The following CDKAL1 variants were observed in gnomAD, a reference collection of about 807,000 sequenced individuals.
CDKAL1 encodes CDKAL1 threonylcarbamoyladenosine tRNA methylthiotransferase, also known as threonylcarbamoyladenosine tRNA methylthiotransferase.
In CDKAL1, 32 loss-of-function variants were observed where a neutral mutation model predicts 68.2. The ratio of observed to expected loss-of-function variants is 0.47; its 90% CI spans 0.35 to 0.63. The LOEUF (loss-of-function observed/expected upper bound fraction) is 0.63. CDKAL1 is among the 30% of genes least tolerant of loss of function. The pLI is 0.00. For synonymous variants in CDKAL1, 234 were observed against 244.3 expected (o/e 0.96, Z 0.39); for missense variants, 606 against 696.7 (o/e 0.87, Z 1.47).
intron 9 of CDKAL1, among the ~76,000 whole-genome samples, chr6:20,938,044 AATTAT>A (rs1763804774): frequency 1.3e-5 from 2 of 152,126 alleles, no homozygotes; most frequent in African/African-American, 4.8e-5. Flanking sequence ...CAGTAATTAA[AATTAT>A]ATTATATGGA....
In CDKAL1 at chr6:20,604,456, A is replaced by G. The variant is rs562590802; in HGVS notation, c.287-44837A>G. On this transcript the variant is annotated intron_variant, in intron 4 of 15. Coordinates refer to ENST00000274695, the MANE Select transcript of CDKAL1 (RefSeq NM_017774.3). ...GGCAAAGATATATTCTCACAGGGCT[A>G]GTAGCATATTCTGCATATGGATTTG... 2.2e-4 allele frequency among the ~76,000 whole-genome samples: 33 copies of G among 152,338 alleles called. 1 individual carries two copies. The highest frequency in any genetic ancestry group is 7.2e-4 in the African/African-American group (30 of 41,582).
chr6:20,933,423 G>C (rs1343404538), intron 9 of CDKAL1, among the ~76,000 whole-genome samples: 1 of 152,338 alleles, frequency 6.6e-6, no homozygotes, highest in East Asian at 1.9e-4. Context: ...GGATGAGATA[G>C]TTATTAACTA....
intron 15 of CDKAL1, among the ~76,000 whole-genome samples, chr6:21,228,139 G>A (rs1015634217): frequency 2.0e-5 from 3 of 152,120 alleles, no homozygotes; most frequent in African/African-American, 7.2e-5. Context: ...TGAAGCTCGT[G>A]TAGCCAGTTT....
intron 9 of CDKAL1, among the ~76,000 whole-genome samples, chr6:20,874,541 A>C (rs970039126): frequency 1.3e-5 from 2 of 151,348 alleles, no homozygotes; most frequent in African/African-American, 4.9e-5. Context: ...TTTGAGATGG[A>C]GTCTCACTCT....
At chr6:21,076,842 G>T (rs567902144) in intron 12 of CDKAL1, among the ~76,000 whole-genome samples, 5 of 151,998 alleles carry the variant, frequency 3.3e-5, no homozygotes, top group Non-Finnish European at 7.4e-5. Flanking sequence ...CTTTCTTCTG[G>T]ACACATCATT....
At chr6:20,995,705 T>C (rs1232228757) in intron 10 of CDKAL1, among the ~76,000 whole-genome samples, 1 of 152,232 alleles carries the variant, frequency 6.6e-6, no homozygotes, top group East Asian at 1.9e-4. Context: ...ATCATAATTC[T>C]TGAGGGCCCT....
intron 9 of CDKAL1, among the ~76,000 whole-genome samples, chr6:20,898,094 C>T (rs1761786953): frequency 1.3e-5 from 2 of 151,958 alleles, no homozygotes; most frequent in South Asian, 4.2e-4. Context: ...TGGCCCAGCT[C>T]CTCTTGGGTG....
rs533670466 is a variant in CDKAL1, at chr6:20,634,654, A to G, written c.287-14639A>G. ...TACATTGGGAATTGTTGGATTTGCC[A>G]TGGAAGATGGTGAGGGGAAAGGAAT... On this transcript the variant is annotated intron_variant, in intron 4 of 15. Transcript: ENST00000274695. Among the ~76,000 whole-genome samples, 10 of 152,278 alleles carry G rather than the reference A, an allele frequency of 6.6e-5. No individual in the cohort carries two copies. In the South Asian group the frequency reaches 2.1e-3, roughly 32 times the overall value.
chr6:20,722,267 T>G (rs1349901676), intron 5 of CDKAL1: 1 of 153,936 alleles, frequency 6.5e-6, no homozygotes, highest in Non-Finnish European at 1.4e-5. Context: ...ATGAGGGTTT[T>G]TTTTTTTCCC....
intron 4 of CDKAL1, among the ~76,000 whole-genome samples, chr6:20,623,801 T>G (rs1161116493): frequency 1.3e-5 from 2 of 152,074 alleles, no homozygotes; most frequent in Admixed American, 6.6e-5. Context: ...GGAGCCAGAC[T>G]GTTAAGTTCA....
chr6:21,119,106 C>T (rs945603527), intron 13 of CDKAL1, among the ~76,000 whole-genome samples: 14 of 152,112 alleles, frequency 9.2e-5, no homozygotes, highest in African/African-American at 2.2e-4. Context: ...CCCTTCGTCC[C>T]GACCATCTTC....
rs183520728 is a variant in CDKAL1, at chr6:20,618,230, C to T, written c.287-31063C>T. On this transcript the variant is annotated intron_variant, in intron 4 of 15. Coordinates refer to ENST00000274695, the MANE Select transcript of CDKAL1 (RefSeq NM_017774.3). ...TAAACGTCTTCTTTTGAGAAGTGTC[C>T]GTTCATATCCTTTGCCCACCTTTTG... 3.2e-4 allele frequency among the ~76,000 whole-genome samples: 48 copies of T among 152,198 alleles called. No homozygotes were observed. In the East Asian group the frequency reaches 3.5e-3, roughly 11 times the overall value.
At chr6:20,842,690 G>A (rs896700406) in intron 8 of CDKAL1, among the ~76,000 whole-genome samples, 1 of 152,130 alleles carries the variant, frequency 6.6e-6, no homozygotes, top group African/African-American at 2.4e-5. Flanking sequence ...AATTAGCCAG[G>A]CGTAGTGGCA....
intron 11 of CDKAL1, among the ~76,000 whole-genome samples, chr6:21,008,937 T>G (rs147428368): frequency 6.6e-6 from 1 of 152,334 alleles, no homozygotes; most frequent in African/African-American, 2.4e-5. Context: ...TAATAGCACA[T>G]AATACTTTGC....
intron 10 of CDKAL1, among the ~76,000 whole-genome samples, chr6:20,961,728 C>T (rs527845711): frequency 2.3e-4 from 35 of 151,032 alleles, no homozygotes; most frequent in African/African-American, 8.0e-4. Context: ...GATCGCACCA[C>T]CGCACTCCAG....
chr6:20,676,593 G>A (rs1770113199), intron 5 of CDKAL1, among the ~76,000 whole-genome samples: 1 of 151,882 alleles, frequency 6.6e-6, no homozygotes, highest in Non-Finnish European at 1.5e-5. Flanking sequence ...TATGAACCCG[G>A]GAGGTGGAGC....
chr6:20,921,531 G>A (rs958490660), intron 9 of CDKAL1, among the ~76,000 whole-genome samples: 32 of 152,282 alleles, frequency 2.1e-4, no homozygotes, highest in African/African-American at 7.2e-4. Flanking sequence ...ATGTTTCAGA[G>A]CAATTTTGTA....
intron 12 of CDKAL1, among the ~76,000 whole-genome samples, chr6:21,074,749 T>C (rs1400554775): frequency 6.6e-6 from 1 of 152,166 alleles, no homozygotes; most frequent in African/African-American, 2.4e-5. Context: ...TTCACTAAAA[T>C]ATAATACTAT....
chr6:21,154,615 T>A (rs1261632467), intron 13 of CDKAL1, among the ~76,000 whole-genome samples: 1 of 152,222 alleles, frequency 6.6e-6, no homozygotes, highest in Non-Finnish European at 1.5e-5. Context: ...CTTGTCTACA[T>A]GAAATGGAAA....
Sources: gnomAD v4.1 joint callset for allele counts (sites outside exome capture counted in the v4.1 genomes callset) on GRCh38, gnomAD v4.1.1 for gene constraint, MANE v1.5 for transcripts, NCBI Gene and HGNC (gene_info 2026-07-23, HGNC 2026-07-21) for gene names.